PDZRN4: variants seen among roughly 807,000 people sequenced by gnomAD.
PDZRN4 encodes the protein PDZ domain containing ring finger 4, also known as PDZ domain-containing RING finger protein 4.
A neutral mutation model predicts 99.0 loss-of-function variants in PDZRN4; 70 were observed. The observed-to-expected ratio is 0.71, with a 90% CI of 0.58 to 0.86. The LOEUF is 0.86. PDZRN4 is among the 40% of genes least tolerant of loss of function. The probability of loss-of-function intolerance (pLI) is 0.00; values close to 1 mark genes in which losing one functional copy is unlikely to be tolerated. For synonymous variants in PDZRN4, 551 were observed against 501.6 expected, an observed-to-expected ratio of 1.10 and a Z score of -1.32; for missense variants, 1,474 against 1,331.2, an observed-to-expected ratio of 1.11 and a Z score of -1.67.
intron 3 of PDZRN4, among the ~76,000 whole-genome samples, chr12:41,352,231 TG>T (rs1951895456): frequency 6.6e-6 from 1 of 151,990 alleles, no homozygotes; most frequent in African/African-American, 2.4e-5. Flanking sequence ...AGAGTGAGCA[TG>T]GGCTACACTT....
chr12:41,555,265 G>A (rs1334404707), intron 6 of PDZRN4, among the ~76,000 whole-genome samples: 2 of 96,934 alleles, frequency 2.1e-5, no homozygotes, highest in African/African-American at 7.4e-5. Context: ...AAAAAAGGAC[G>A]GACTTACACT....
At chr12:41,533,589 C>T (rs754713532) in intron 5 of PDZRN4, among the ~76,000 whole-genome samples, 47 of 152,142 alleles carry the variant, frequency 3.1e-4, no homozygotes, top group African/African-American at 4.6e-4. Flanking sequence ...TATTTTGTGG[C>T]GTATCTTTTA....
intron 5 of PDZRN4, among the ~76,000 whole-genome samples, chr12:41,518,831 C>T (rs1183629119): frequency 6.6e-6 from 1 of 151,938 alleles, no homozygotes; most frequent in African/African-American, 2.4e-5. Context: ...CATCTGTGGT[C>T]CCACCTAGTC....
At chr12:41,263,420 T>C (rs1360808689) in intron 3 of PDZRN4, among the ~76,000 whole-genome samples, 1 of 151,458 alleles carries the variant, frequency 6.6e-6, no homozygotes, top group African/African-American at 2.4e-5. Context: ...AGCATGGTGT[T>C]GCATGCCTGT....
intron 3 of PDZRN4, among the ~76,000 whole-genome samples, chr12:41,233,535 A>G (rs1302518526): frequency 3.9e-5 from 6 of 152,132 alleles, no homozygotes; most frequent in Admixed American, 2.6e-4. Context: ...CTTGGAACCA[A>G]CCTAAATGTC....
At chr12:41,315,601 T>C (rs181131740) in intron 3 of PDZRN4, among the ~76,000 whole-genome samples, 1 of 152,266 alleles carries the variant, frequency 6.6e-6, no homozygotes, top group Non-Finnish European at 1.5e-5. Context: ...AAATTATAAA[T>C]GCAGTTTTGA....
rs117372388 is a variant in PDZRN4, at chr12:41,439,387, G to A, written c.844-67069G>A. ...TTTGGTTGTTAGAGTTTGAGTTCTA[G>A]TATTGTTTCTCTTTGGGTGGTGGAG... is the stretch of plus-strand genomic sequence containing the variant. On this transcript the variant is annotated intron_variant, in intron 3 of 9. Transcript: ENST00000402685. Among the ~76,000 whole-genome samples, 1,344 of 152,300 alleles carry A rather than the reference G, an allele frequency of 8.8e-3. 13 individuals carry two copies. Among genetic ancestry groups the A allele is most frequent in the Non-Finnish European group, 0.014 (968 of 68,020 alleles).
chr12:41,353,907 A>T (rs1158421127), intron 3 of PDZRN4, among the ~76,000 whole-genome samples: 3 of 152,086 alleles, frequency 2.0e-5, no homozygotes, highest in Admixed American at 6.6e-5. Flanking sequence ...AGGAGTTTGA[A>T]CTTCAATTTA....
chr12:41,457,190 T>C (rs1952823463), intron 3 of PDZRN4, among the ~76,000 whole-genome samples: 1 of 152,188 alleles, frequency 6.6e-6, no homozygotes, highest in Non-Finnish European at 1.5e-5. Context: ...TCTCAGCAAA[T>C]GGTAGACCTT....
intron 3 of PDZRN4, among the ~76,000 whole-genome samples, chr12:41,220,488 T>C (rs1359670368): frequency 6.6e-6 from 1 of 152,096 alleles, no homozygotes; most frequent in African/African-American, 2.4e-5. Context: ...GGAAAGGGGA[T>C]GTAATTTAGC....
rs761221194 is a variant in PDZRN4 at position 41,572,689 on chromosome 12, T to A, written c.1910T>A (p.Ile637Asn). 1 of 1,614,078 alleles carries A rather than the reference T, an allele frequency of 6.2e-7. No individual in the cohort carries two copies. The highest frequency in any genetic ancestry group is 1.7e-5 in the Admixed American group (1 of 60,014). The change falls in exon 10 of 10, where the codon ATT (isoleucine) becomes AAT (asparagine). Residue 637 changes from isoleucine (I) to asparagine (N), a missense_variant. Physicochemically the swap from Ile to Asn is moderately radical, Grantham distance 149 (BLOSUM62 -3). Coordinates refer to ENST00000402685, the MANE Select transcript of PDZRN4 (RefSeq NM_001164595.2). ...CAGCTCTTGGAGCTCAAATGCAAGA[T>A]TCGAAATCATGGAGAGTATGACCTG... ...FRQLLELKCK[I>N]RNHGEYDLYY...
chr12:41,349,642 C>T lies in PDZRN4; in HGVS notation c.843+155454C>T, dbSNP rs190000583. Among the ~76,000 whole-genome samples, 1,389 of 152,016 alleles carry T rather than the reference C, an allele frequency of 9.1e-3. 12 individuals are homozygous for T. The highest frequency in any genetic ancestry group is 0.024 in the Middle Eastern group (7 of 292). ...TAAAAACATTAATTAACTCTATATT[C>T]GACATCTATTGACTTCCTAGTTTGT... On this transcript the variant is annotated intron_variant, in intron 3 of 9. Transcript: ENST00000402685.
chr12:41,503,478 T>C (rs1269360153), intron 3 of PDZRN4, among the ~76,000 whole-genome samples: 1 of 152,190 alleles, frequency 6.6e-6, no homozygotes, highest in Admixed American at 6.5e-5. Context: ...TACTAAGCAT[T>C]ACAATAATGA....
Position 41,552,657 on chromosome 12 carries a change from A to C in PDZRN4, c.1205A>C (p.Glu402Ala), listed in dbSNP as rs1939078216. 6.2e-7 allele frequency: 1 copy of C among 1,611,742 alleles called. No individual in the cohort carries two copies. The highest frequency in any genetic ancestry group is 2.2e-5 in the East Asian group (1 of 44,834). Residue 402 changes from glutamate to alanine, a missense_variant and splice_region_variant, in exon 6 of 10, where the codon GAG becomes GCG. Transcript: ENST00000402685. ...ADRTEDFEYEEVELCRVSSQE... is the reference protein window; with the variant it reads ...ADRTEDFEYEAVELCRVSSQE... ...CATCTGTGTGTGTTGTTCTTTCAGG[A>C]GGTCGAGTTGTGTCGTGTTAGCAGT...
At chr12:41,339,468 G>A (rs781122213) in intron 3 of PDZRN4, among the ~76,000 whole-genome samples, 63 of 151,920 alleles carry the variant, frequency 4.1e-4, no homozygotes, top group Admixed American at 3.9e-4. Context: ...CTAATGAAAC[G>A]ACTACAAGAA....
At chr12:41,474,386 A>AG (rs1368442683) in intron 3 of PDZRN4, among the ~76,000 whole-genome samples, 1 of 152,226 alleles carries the variant, frequency 6.6e-6, no homozygotes, top group Non-Finnish European at 1.5e-5. Context: ...CTCAGATCTA[A>AG]GCACTTGGCA....
chr12:41,249,772 T>C (rs977741264), intron 3 of PDZRN4, among the ~76,000 whole-genome samples: 4 of 152,206 alleles, frequency 2.6e-5, no homozygotes, highest in Admixed American at 2.6e-4. Context: ...TCTGTTGACT[T>C]ACTCTGCACT....
At chr12:41,393,414 G>T (rs1434613853) in intron 3 of PDZRN4, among the ~76,000 whole-genome samples, 1 of 151,958 alleles carries the variant, frequency 6.6e-6, no homozygotes, top group East Asian at 1.9e-4. Flanking sequence ...AAACTGAATG[G>T]TAGGATGCTG....
chr12:41,443,253 A>T (rs919500552), intron 3 of PDZRN4, among the ~76,000 whole-genome samples: 3 of 152,064 alleles, frequency 2.0e-5, no homozygotes, highest in African/African-American at 7.2e-5. Flanking sequence ...ATGGAAATGC[A>T]AAGGTGCTGC....
Sources: allele counts gnomAD v4.1 joint callset (sites outside exome capture counted in the v4.1 genomes callset), GRCh38; gene constraint gnomAD v4.1.1; transcripts MANE v1.5; gene names NCBI Gene and HGNC (gene_info 2026-07-23, HGNC 2026-07-21).